The following HTRA4 variants were observed in gnomAD, a reference collection of about 807,000 sequenced individuals.
The protein encoded by HTRA4 is HtrA serine peptidase 4.
HTRA4 carries 46 observed loss-of-function variants against 49.1 expected under a neutral mutation model. That is an observed-to-expected ratio of 0.94 (90% CI 0.74 to 1.20). HTRA4 has a LOEUF of 1.20. Among genes scored for constraint, HTRA4 ranks in the 50% most tolerant of loss-of-function variants. HTRA4 has a pLI of 0.00. For missense variants in HTRA4, 602 were observed against 636.9 expected (o/e 0.95, Z 0.59); for synonymous variants, 261 against 264.0 (o/e 0.99, Z 0.11).
intron 5 of HTRA4, among the ~76,000 whole-genome samples, chr8:38,980,186 T>C (rs1288030588): frequency 6.6e-6 from 1 of 152,184 alleles, no homozygotes; most frequent in Non-Finnish European, 1.5e-5. Context: ...CATGTGATCA[T>C]CCTTTCTGAG....
In HTRA4 at chr8:38,974,721, G is replaced by A. The variant is rs761170406; in HGVS notation, c.458G>A (p.Gly153Glu). The change falls in exon 1 of 9, where the codon GGG (glycine) becomes GAG (glutamate). Residue 153 changes from glycine (G) to glutamate (E), a missense_variant. Gly to Glu is a moderately conservative substitution (Grantham distance 98, BLOSUM62 -2). Transcript: ENST00000302495. ...PAVPVQWGNC[G>E]DTGTRSAGPL... is the part of the protein sequence containing the mutation. ...GTGCCTGTGCAGTGGGGGAACTGCGGGGATACAGGTGAGCCGCGGGGGCGC... is the reference window on the plus strand; with the variant it reads ...GTGCCTGTGCAGTGGGGGAACTGCGAGGATACAGGTGAGCCGCGGGGGCGC... 21 of 1,425,736 alleles carry A rather than the reference G, an allele frequency of 1.5e-5. No homozygotes were observed. The South Asian group carries it at 2.2e-4, about 15-fold the overall frequency. The allele number at this position is 1,425,736 out of a possible 1,614,324, so 88.3% of individuals were successfully genotyped here.
At chr8:38,981,103 G>A (rs1175476033) in intron 5 of HTRA4, among the ~76,000 whole-genome samples, 16 of 41,810 alleles carry the variant, frequency 3.8e-4, no homozygotes, top group South Asian at 1.3e-3. Flanking sequence ...TTTTTGAGAC[G>A]GAGTCTCGCT....
intron 8 of HTRA4, among the ~76,000 whole-genome samples, chr8:38,987,292 T>TAC (rs1835493657): frequency 6.6e-6 from 1 of 152,192 alleles, no homozygotes; most frequent in Non-Finnish European, 1.5e-5. Flanking sequence ...GCTTCTAGAA[T>TAC]ATATACTCTA....
intron 5 of HTRA4, among the ~76,000 whole-genome samples, chr8:38,979,859 G>A (rs568072375): frequency 3.2e-4 from 49 of 152,270 alleles, no homozygotes; most frequent in African/African-American, 1.1e-3. Flanking sequence ...CAAATGACCA[G>A]CTTTGCTATG....
intron 5 of HTRA4, among the ~76,000 whole-genome samples, chr8:38,980,391 C>A (rs1280339719): frequency 6.6e-6 from 1 of 151,754 alleles, no homozygotes; most frequent in Admixed American, 6.6e-5. Flanking sequence ...CAGGCCATAC[C>A]CCCGACCTAC....
chr8:38,974,288 G>GCGGGGCTGGGACGATGCCTCCTGC lies in HTRA4; in HGVS notation c.34_57dup (p.Gly12_Leu19dup), dbSNP rs759844596. ...GATGATTAGACCTCAGCTGCGGACC[G>GCGGGGCTGGGACGATGCCTCCTGC]CGGGGCTGGGACGATGCCTCCTGCC... On this transcript the variant is annotated inframe_insertion, in exon 1 of 9. Coordinates refer to ENST00000302495, the MANE Select transcript of HTRA4 (RefSeq NM_153692.4). The GCGGGGCTGGGACGATGCCTCCTGC allele has an allele frequency of 4.3e-6, 7 of 1,612,218 alleles. No homozygotes were observed. The highest frequency in any genetic ancestry group is 4.2e-6 in the Non-Finnish European group (5 of 1,179,404).
intron 4 of HTRA4, among the ~76,000 whole-genome samples, chr8:38,978,767 G>A (rs759575014): frequency 6.6e-6 from 1 of 151,316 alleles, no homozygotes; most frequent in Non-Finnish European, 1.5e-5. Flanking sequence ...GAGGCCGAAG[G>A]GGGTGGATCA....
intron 2 of HTRA4, among the ~76,000 whole-genome samples, chr8:38,975,622 C>G (rs1384297352): frequency 6.6e-6 from 1 of 152,132 alleles, no homozygotes; most frequent in Non-Finnish European, 1.5e-5. Flanking sequence ...ATTGCTCAGG[C>G]TGGTCTCGAA....
At chr8:38,986,287 T>C in intron 8 of HTRA4, among the ~76,000 whole-genome samples, 1 of 152,314 alleles carries the variant, frequency 6.6e-6, no homozygotes, top group East Asian at 1.9e-4. Flanking sequence ...ATTTTTATTA[T>C]TATTATTTTT....
At chr8:38,981,128 G>A (rs368531920) in intron 5 of HTRA4, among the ~76,000 whole-genome samples, 4 of 121,682 alleles carry the variant, frequency 3.3e-5, no homozygotes, top group South Asian at 2.8e-4. Flanking sequence ...CGCCCAGGCC[G>A]GAGTGCAGTG....
At chr8:38,976,833 C>G in intron 3 of HTRA4, 94 bp downstream of exon 3, 1 of 1,175,484 alleles carries the variant, frequency 8.5e-7, no homozygotes, top group African/African-American at 1.5e-5. Flanking sequence ...CACACCACAT[C>G]TTTTCTGTTG....
At position 38,974,661 on chromosome 8, in the gene HTRA4, A is replaced by T; in HGVS notation, c.398A>T (p.Asn133Ile). ...AGCATGTGCGCGCTCCGGGCCGAAA[A>T]CCGCGCCGCGCGCCGCCTGGGCAAG... ...YPSMCALRAE[N>I]RAARRLGKVP... Residue 133 changes from asparagine (N) to isoleucine (I), a missense_variant, in exon 1 of 9, where the codon AAC becomes ATC. Physicochemically the swap from Asn to Ile is moderately radical, Grantham distance 149 (BLOSUM62 -3). Transcript: ENST00000302495. The T allele has an allele frequency of 1.4e-6, 2 of 1,400,752 alleles. No individual in the cohort carries two copies. 86.8% of individuals were successfully genotyped at this position (1,400,752 alleles called of 1,614,324 possible). A position where few individuals can be genotyped will look rare whatever the true frequency, so the allele number is the denominator to read the frequency against.
chr8:38,982,486 T>C lies in HTRA4; in HGVS notation c.1115-12T>C, dbSNP rs767538340. 1 of 1,612,280 alleles carries C rather than the reference T, an allele frequency of 6.2e-7. No individual in the cohort carries two copies. The highest frequency in any genetic ancestry group is 1.7e-5 in the Admixed American group (1 of 60,028). ...AGGTTTTGTTGTAACACATCATAAC[T>C]TTCCTTTCCAGGAAAGGCGTTTTCA... is the stretch of plus-strand genomic sequence containing the variant. On this transcript the variant is annotated splice_polypyrimidine_tract_variant and intron_variant, in intron 6 of 8. Coordinates refer to ENST00000302495, the MANE Select transcript of HTRA4 (RefSeq NM_153692.4).
chr8:38,987,517 A>T (rs1835497926), intron 8 of HTRA4, among the ~76,000 whole-genome samples: 1 of 152,174 alleles, frequency 6.6e-6, no homozygotes, highest in African/African-American at 2.4e-5. Context: ...GTGGGCTGCC[A>T]GAATCAAACT....
intron 4 of HTRA4, among the ~76,000 whole-genome samples, chr8:38,978,571 T>C (rs1323198994): frequency 6.6e-6 from 1 of 152,294 alleles, no homozygotes; most frequent in South Asian, 2.1e-4. Context: ...ACTTTGGGGA[T>C]GTCCAGGTTT....
In HTRA4 at chr8:38,988,119, A is replaced by C. The variant is rs66513029; in HGVS notation, c.*21A>C. The stretch of plus-strand genomic sequence containing the variant: ...ATTAAATATCTTGTTTTAAAGTGGG[A>C]TTATCTAAAAAAAAAAAAACCAGTT... On this transcript the variant is annotated 3_prime_UTR_variant, in exon 9 of 9. Coordinates refer to ENST00000302495, the MANE Select transcript of HTRA4 (RefSeq NM_153692.4). The C allele has an allele frequency of 0.4, 600,042 of 1,493,542 alleles. 125,336 individuals are homozygous for C. The highest frequency in any genetic ancestry group is 0.72 in the East Asian group (29,479 of 40,912). 92.5% of individuals were successfully genotyped at this position (1,493,542 alleles called of 1,614,324 possible). A position where few individuals can be genotyped will look rare whatever the true frequency, so the allele number is the denominator to read the frequency against.
At chr8:38,980,901 G>A (rs1330685497) in intron 5 of HTRA4, among the ~76,000 whole-genome samples, 1 of 152,192 alleles carries the variant, frequency 6.6e-6, no homozygotes, top group South Asian at 2.1e-4. Context: ...TCTCAGTGCA[G>A]TGTTACTGAC....
Position 38,974,339 on chromosome 8 carries a change from G to C in HTRA4, c.76G>C (p.Val26Leu). Reference protein sequence around the residue: ...LPGLLLLLVPVLWAGAEKLHT... With the variant: ...LPGLLLLLVPLLWAGAEKLHT... ...GGGGCTGCTGCTGCTCCTGGTGCCC[G>C]TCCTCTGGGCCGGGGCTGAAAAGCT... is the stretch of plus-strand genomic sequence containing the variant. The change falls in exon 1 of 9, where the codon GTC becomes CTC. Residue 26 changes from valine to leucine, a missense_variant. By Grantham distance (32) the Val-to-Leu change is conservative. Transcript: ENST00000302495. 6.2e-7 allele frequency: 1 copy of C among 1,611,946 alleles called. No individual in the cohort carries two copies. Among genetic ancestry groups the C allele is most frequent in the Non-Finnish European group, 8.5e-7 (1 of 1,179,542 alleles).
At position 38,975,164 on chromosome 8, in the gene HTRA4, A is replaced by C. The variant is rs201976344; in HGVS notation, c.566+34A>C. The C allele has an allele frequency of 5.8e-4, 922 of 1,600,206 alleles. 5 individuals carry two copies. The Admixed American group carries it at 0.011, about 19-fold the overall frequency. ...GGAGGAGGAAGACCTCCACTGTCCC[A>C]GCTAATGGTTTCTGCGTGCCTACCT... On this transcript the variant is annotated intron_variant, in intron 2 of 8. Coordinates refer to ENST00000302495, the MANE Select transcript of HTRA4 (RefSeq NM_153692.4).
Sources: gnomAD v4.1 joint callset for allele counts (sites outside exome capture counted in the v4.1 genomes callset) on GRCh38, gnomAD v4.1.1 for gene constraint, MANE v1.5 for transcripts, NCBI Gene and HGNC (gene_info 2026-07-23, HGNC 2026-07-21) for gene names.